SPTB: variants seen among roughly 807,000 people sequenced by gnomAD.
SPTB encodes spectrin beta chain, erythrocytic.
Under a neutral mutation model 256.2 loss-of-function variants are expected in SPTB, and 45 were observed. The observed-to-expected ratio is 0.18, with a 90% CI of 0.14 to 0.23. The LOEUF (loss-of-function observed/expected upper bound fraction) is 0.23, where lower values mean the gene tolerates loss of function less well. Ranked by LOEUF, SPTB falls within the 10% of genes least tolerant of loss-of-function variation. The pLI is 1.00. For missense variants in SPTB, 2,715 were observed against 3,040.4 expected, an observed-to-expected ratio of 0.89 and a Z score of 2.52; for synonymous variants, 1,231 against 1,243.1, an observed-to-expected ratio of 0.99 and a Z score of 0.21.
In SPTB at chr14:64,767,312, T is replaced by A. The variant is rs201339590; in HGVS notation, c.6260A>T (p.Glu2087Val). ...KERQIAERPA[E>V]ETGPQEEEGE... ...CACGGCCACCACTCACCCAGTCTCCTCTGCGGGTCTCTCTGCAATCTGGCG... is the reference window on the plus strand; with the variant it reads ...CACGGCCACCACTCACCCAGTCTCCACTGCGGGTCTCTCTGCAATCTGGCG... The change falls in exon 31 of 36, where the codon GAG (glutamate) becomes GTG (valine). Residue 2087 changes from glutamate (E) to valine (V), a missense_variant. Glu to Val is a moderately radical substitution (Grantham distance 121). Transcript: ENST00000644917. 1 of 1,614,082 alleles carries A rather than the reference T, an allele frequency of 6.2e-7. No individual in the cohort carries two copies. Among genetic ancestry groups the A allele is most frequent in the East Asian group, 2.2e-5 (1 of 44,886 alleles).
intron 1 of SPTB, among the ~76,000 whole-genome samples, chr14:64,859,688 CTCTCTG>C (rs938738394): frequency 1.5e-4 from 8 of 54,460 alleles, no homozygotes; most frequent in Admixed American, 6.7e-4. Flanking sequence ...CTGTCTCTCT[CTCTCTG>C]TCTCTCTCTC....
In SPTB at chr14:64,793,503, C is replaced by T; in HGVS notation, c.2160G>A (p.Glu720=). 6.2e-7 allele frequency: 1 copy of T among 1,614,194 alleles called. No individual in the cohort carries two copies. Residue 720 remains glutamate (E), a synonymous_variant, in exon 14 of 36, where the codon GAG becomes GAA. Transcript: ENST00000644917. The surrounding 1 kb of genome is among the most constrained non-coding windows in gnomAD (Gnocchi z 7.0). ...TCAGCTGGTCCCACTGTGCCGACACCTCCTTTATGCGGGCCTCGATCTGCG... is the reference window on the plus strand; with the variant it reads ...TCAGCTGGTCCCACTGTGCCGACACTTCCTTTATGCGGGCCTCGATCTGCG... ...GHPQIEARIK[E]VSAQWDQLKD...
At position 64,820,802 on chromosome 14, in the gene SPTB, C is replaced by T. The variant is rs139070117; in HGVS notation, c.148+2145G>A. The stretch of plus-strand genomic sequence containing the variant: ...TCTCGTGCCTCAGCTTCTTGAGTAG[C>T]TGGGATTACAGGCATGCACCACCAC... On this transcript the variant is annotated intron_variant, in intron 2 of 35. Coordinates refer to ENST00000644917, the MANE Select transcript of SPTB (RefSeq NM_001355436.2). Among the ~76,000 whole-genome samples the T allele has an allele frequency of 2.0e-3, 310 of 152,162 alleles. 2 individuals carry two copies. Among genetic ancestry groups the T allele is most frequent in the African/African-American group, 7.0e-3 (291 of 41,514 alleles).
At chr14:64,753,486 C>T (rs778974940) in intron 33 of SPTB, 51 bp downstream of exon 33, 2 of 1,611,336 alleles carry the variant, frequency 1.2e-6, no homozygotes, top group Non-Finnish European at 8.5e-7. Context: ...GCAGAGAGAT[C>T]CCTGAGAGCT....
Position 64,777,012 on chromosome 14 carries a change from G to A in SPTB, c.4564-1609C>T, listed in dbSNP as rs1356687199. Reference sequence around the variant, plus strand: ...AAAGGCTGGGCCTTCCTCCCTGGGGGCTACGAGGAAAAGACAACAGTGGGA... The same window carrying A: ...AAAGGCTGGGCCTTCCTCCCTGGGGACTACGAGGAAAAGACAACAGTGGGA... On this transcript the variant is annotated intron_variant, in intron 22 of 35. Coordinates refer to ENST00000644917, the MANE Select transcript of SPTB (RefSeq NM_001355436.2). The surrounding 1 kb of genome is among the most constrained non-coding windows in gnomAD (Gnocchi z 4.5). Among the ~76,000 whole-genome samples the A allele has an allele frequency of 1.3e-5, 2 of 152,248 alleles. No homozygotes were observed. Among genetic ancestry groups the A allele is most frequent in the South Asian group, 2.1e-4 (1 of 4,832 alleles).
chr14:64,836,962 C>T lies in SPTB; in HGVS notation c.-51-13817G>A, dbSNP rs540713793. On this transcript the variant is annotated intron_variant, in intron 1 of 35. Transcript: ENST00000644917. ...CCAAACCAGGCCAATGGGTGAGAAA[C>T]GGCTGGTCAGACAGGCTATTCAGCA... 2.1e-4 allele frequency among the ~76,000 whole-genome samples: 32 copies of T among 152,280 alleles called. No homozygotes were observed. In the South Asian group the frequency reaches 6.2e-3, roughly 30 times the overall value.
At chr14:64,763,961 C>A in intron 32 of SPTB, 1 of 498,394 alleles carries the variant, frequency 2.0e-6, no homozygotes, top group South Asian at 1.4e-5. Flanking sequence ...GCTGTCCAGA[C>A]AGGAGCAGGG....
At chr14:64,800,912 G>A (rs370607564) in intron 7 of SPTB, 44 bp from the exon 8 acceptor site, 18 of 1,492,030 alleles carry the variant, frequency 1.2e-5, no homozygotes, top group African/African-American at 8.3e-5. Context: ...ACTGGAAGTC[G>A]GGAAAGTCAG....
chr14:64,879,121 G>A (rs1307230159), intron 1 of SPTB, among the ~76,000 whole-genome samples: 1 of 152,226 alleles, frequency 6.6e-6, no homozygotes. Context: ...GTAGCCCGGA[G>A]AAGCTTAGAG....
At position 64,761,378 on chromosome 14, in the gene SPTB, T is replaced by G. The variant is rs2082091174; in HGVS notation, c.6345+5348A>C. ...CCTTAAAGGAGAAAGCAGAAGCTGTTGCTGAACAGGGGGAAAGAGCCAGGG... is the reference window on the plus strand; with the variant it reads ...CCTTAAAGGAGAAAGCAGAAGCTGTGGCTGAACAGGGGGAAAGAGCCAGGG... On this transcript the variant is annotated intron_variant, in intron 32 of 35. Coordinates refer to ENST00000644917, the MANE Select transcript of SPTB (RefSeq NM_001355436.2). Among the ~76,000 whole-genome samples the G allele has an allele frequency of 2.0e-5, 3 of 152,150 alleles. No homozygotes were observed. In the South Asian group the frequency reaches 6.2e-4, roughly 32 times the overall value.
rs1468563153 is a variant in SPTB at position 64,769,699 on chromosome 14, T to C, written c.5828A>G (p.Lys1943Arg). The C allele has an allele frequency of 6.2e-7, 1 of 1,614,090 alleles. No individual in the cohort carries two copies. The highest frequency in any genetic ancestry group is 8.5e-7 in the Non-Finnish European group (1 of 1,180,052). Residue 1943 changes from lysine to arginine, a missense_variant, in exon 28 of 36, where the codon AAG becomes AGG. Coordinates refer to ENST00000644917, the MANE Select transcript of SPTB (RefSeq NM_001355436.2). ...RDVSSVELLM[K>R]YHQGINAEIE... Reference sequence around the variant, plus strand: ...CTCTGCATTGATGCCCTGGTGATACTTCATGAGCAGTTCCACAGAGGAGAC... The same window carrying C: ...CTCTGCATTGATGCCCTGGTGATACCTCATGAGCAGTTCCACAGAGGAGAC...
Position 64,823,260 on chromosome 14 carries a change from A to G in SPTB, c.-51-115T>C, listed in dbSNP as rs179338. ...TAGATCCTGACAGAAGCAGAACGCC[A>G]TGTCATCTGCCTGGGCGTGCTTCCT... On this transcript the variant is annotated intron_variant, in intron 1 of 35. Transcript: ENST00000644917. The surrounding 1 kb of genome is among the most constrained non-coding windows in gnomAD (Gnocchi z 6.5). The G allele has an allele frequency of 1, 785,655 of 786,244 alleles. 392,536 individuals carry two copies. The highest frequency in any genetic ancestry group is 1 in the Middle Eastern group (3,058 of 3,058). The allele number at this position is 786,244 out of a possible 1,614,324, so 48.7% of individuals were successfully genotyped here.
At chr14:64,801,623 G>A in intron 6 of SPTB, 131 bp downstream of exon 6, 1 of 1,014,468 alleles carries the variant, frequency 9.9e-7, no homozygotes, top group Non-Finnish European at 1.6e-6. Flanking sequence ...AGGTGCTATG[G>A]GCTGCTGAAG....
At chr14:64,869,830 A>C (rs555716853) in intron 1 of SPTB, among the ~76,000 whole-genome samples, 3 of 125,612 alleles carry the variant, frequency 2.4e-5, no homozygotes, top group Non-Finnish European at 5.0e-5. Flanking sequence ...AGGTCTTGCT[A>C]TGTTGTCCAG....
chr14:64,791,593 A>G, intron 15 of SPTB, 126 bp downstream of exon 15: 1 of 690,668 alleles, frequency 1.4e-6, no homozygotes, highest in East Asian at 3.0e-5. Context: ...AAAAAAAAAG[A>G]CAGGAATGTT....
At chr14:64,862,141 A>T (rs1404094025) in intron 1 of SPTB, among the ~76,000 whole-genome samples, 1 of 152,044 alleles carries the variant, frequency 6.6e-6, no homozygotes, top group Non-Finnish European at 1.5e-5. Flanking sequence ...CCCACTTAAC[A>T]CAGTTAACAC....
rs1566731898 is a variant in SPTB, at chr14:64,751,946, T to TAAAAAA, written c.6602+1590_6602+1591insTTTTTT. 2.2e-3 allele frequency among the ~76,000 whole-genome samples: 200 copies of TAAAAAA among 90,448 alleles called. 15 individuals carry two copies. The highest frequency in any genetic ancestry group is 6.1e-3 in the African/African-American group (139 of 22,710). 59.3% of individuals were successfully genotyped at this position (90,448 alleles called of 152,430 possible). A position where few individuals can be genotyped will look rare whatever the true frequency, so the allele number is the denominator to read the frequency against. ...AAAATGCAAAAAAAAAAAAAAAAATTAGCCAGGCGTGGTGGCACGTGCCTG... is the reference window on the plus strand; with the variant it reads ...AAAATGCAAAAAAAAAAAAAAAAATTAAAAAAAGCCAGGCGTGGTGGCACGTGCCTG... On this transcript the variant is annotated intron_variant, in intron 33 of 35. Coordinates refer to ENST00000644917, the MANE Select transcript of SPTB (RefSeq NM_001355436.2).
intron 8 of SPTB, 37 bp from the exon 9 acceptor site, chr14:64,799,971 G>A (rs769826974): frequency 6.2e-7 from 1 of 1,608,846 alleles, no homozygotes; most frequent in African/African-American, 1.3e-5. Context: ...TCATCAGAAG[G>A]GCAATGCCAC....
intron 31 of SPTB, 113 bp from the exon 32 acceptor site, chr14:64,766,914 C>T: frequency 7.5e-7 from 1 of 1,332,104 alleles, no homozygotes; most frequent in Admixed American, 1.7e-5. Flanking sequence ...ATAGCTCCCC[C>T]TCCAGTCAGC....
Sources: allele counts gnomAD v4.1 joint callset (sites outside exome capture counted in the v4.1 genomes callset), GRCh38; gene constraint gnomAD v4.1.1; non-coding constraint Gnocchi (gnomAD v3.1); transcripts MANE v1.5; gene names NCBI Gene and HGNC (gene_info 2026-07-23, HGNC 2026-07-21).